The following ZNF280C variants were observed in gnomAD, a reference collection of about 807,000 sequenced individuals.
ZNF280C encodes zinc finger protein 280C, also known as suppressor of hairy wing homolog 3.
A neutral mutation model predicts 53.6 loss-of-function variants in ZNF280C; 14 were observed. The observed-to-expected ratio is 0.26, with a 90% CI of 0.17 to 0.41. The LOEUF is 0.41. Among genes scored for constraint, ZNF280C ranks in the 10% least tolerant of loss-of-function variants. The pLI is 1.00. For synonymous variants in ZNF280C, 203 were observed against 181.1 expected (o/e 1.12, Z -0.97); for missense variants, 416 against 547.1 (o/e 0.76, Z 2.39).
At position 130,261,291 on chromosome X, in the gene ZNF280C, C is replaced by A. The variant is rs752125367; in HGVS notation, c.-16-826G>T. 3.6e-4 allele frequency among the ~76,000 whole-genome samples: 40 copies of A among 112,156 alleles called. No homozygotes were observed. In the South Asian group the frequency reaches 0.014, roughly 40 times the overall value. On this transcript the variant is annotated intron_variant, in intron 1 of 18. Coordinates refer to ENST00000370978, the MANE Select transcript of ZNF280C (RefSeq NM_017666.5). The stretch of plus-strand genomic sequence containing the variant: ...AAAACAGGAATTTGTATCCTGAGTT[C>A]TCGTGCACTGAACATACCATATATT...
chrX:130,236,807 A>G (rs1408177645), intron 6 of ZNF280C, among the ~76,000 whole-genome samples, 168 bp from the exon 7 acceptor site: 1 of 111,722 alleles, frequency 9.0e-6, no homozygotes, highest in Non-Finnish European at 1.9e-5. Context: ...AAATGACAAT[A>G]AAGAATGATT....
At chrX:130,262,529 G>C (rs2032641587) in intron 1 of ZNF280C, among the ~76,000 whole-genome samples, 1 of 112,183 alleles carries the variant, frequency 8.9e-6, no homozygotes, top group Non-Finnish European at 1.9e-5. Flanking sequence ...TTGGTGGCAA[G>C]GGAAGGAATT....
At chrX:130,246,234 T>C (rs1296565382) in intron 3 of ZNF280C, among the ~76,000 whole-genome samples, 1 of 112,327 alleles carries the variant, frequency 8.9e-6, no homozygotes, top group Non-Finnish European at 1.9e-5. Context: ...ATTGTCCAAG[T>C]ATAGTGTTGG....
At chrX:130,241,411 T>C (rs1344688497) in intron 5 of ZNF280C, among the ~76,000 whole-genome samples, 1 of 112,086 alleles carries the variant, frequency 8.9e-6, no homozygotes, top group Non-Finnish European at 1.9e-5. Flanking sequence ...GAAAGAGACT[T>C]AGGGAACCGT....
At chrX:130,248,843 C>T (rs1053478980) in intron 2 of ZNF280C, among the ~76,000 whole-genome samples, 1 of 112,582 alleles carries the variant, frequency 8.9e-6, no homozygotes, top group African/African-American at 3.2e-5. Flanking sequence ...CCACCCTCCA[C>T]ATCACTTTGC....
At chrX:130,216,409 C>T (rs1192470313) in intron 13 of ZNF280C, among the ~76,000 whole-genome samples, 1 of 112,022 alleles carries the variant, frequency 8.9e-6, no homozygotes, top group Non-Finnish European at 1.9e-5. Context: ...TTCTTGTGAG[C>T]ATGAGTTAGG....
At chrX:130,218,918 G>A (rs969453278) in intron 13 of ZNF280C, among the ~76,000 whole-genome samples, 3 of 111,594 alleles carry the variant, frequency 2.7e-5, no homozygotes, top group African/African-American at 9.8e-5. Context: ...TTATTAATAA[G>A]GGAAGATGTG....
chrX:130,246,711 T>C, intron 3 of ZNF280C, 148 bp downstream of exon 3: 1 of 659,924 alleles, frequency 1.5e-6, no homozygotes, highest in South Asian at 3.2e-5. Context: ...CCCGCTTTGA[T>C]TCTCACAAGT....
intron 6 of ZNF280C, 75 bp from the exon 7 acceptor site, chrX:130,236,714 C>T: frequency 2.7e-6 from 2 of 728,067 alleles, no homozygotes; most frequent in Non-Finnish European, 3.8e-6. Flanking sequence ...AAAACTGCTA[C>T]CAAAATGGCT....
intron 7 of ZNF280C, 33 bp downstream of exon 7, chrX:130,236,436 T>C (rs1233085016): frequency 4.7e-5 from 54 of 1,146,236 alleles, no homozygotes; most frequent in Non-Finnish European, 6.0e-5. Flanking sequence ...AAAATAATAC[T>C]ATTTTTTTTT....
rs183397373 is a variant in ZNF280C at position 130,254,894 on chromosome X, T to A, written c.31+5525A>T. ...TACCCATAACAAACCTGCACATGTA[T>A]CCCTGAACTTAAAATAAAAGTTAAA... On this transcript the variant is annotated intron_variant, in intron 2 of 18. Transcript: ENST00000370978. Among the ~76,000 whole-genome samples the A allele has an allele frequency of 8.4e-5, 9 of 107,216 alleles. No individual in the cohort carries two copies. In the East Asian group the frequency reaches 2.0e-3, roughly 24 times the overall value. The allele number at this position is 107,216 out of a possible 115,157, so 93.1% of individuals were successfully genotyped here. A position where few individuals can be genotyped will look rare whatever the true frequency, so the allele number is the denominator to read the frequency against.
chrX:130,203,050 C>T lies in ZNF280C; in HGVS notation c.*1927G>A, dbSNP rs1362886697. 1 of 110,859 alleles carries T rather than the reference C, an allele frequency of 9.0e-6. No homozygotes were observed. Among genetic ancestry groups the T allele is most frequent in the African/African-American group, 3.3e-5 (1 of 30,508 alleles). The allele number at this position is 110,859 out of a possible 1,213,427, so 9.1% of individuals were successfully genotyped here. On this transcript the variant is annotated 3_prime_UTR_variant, in exon 19 of 19. Transcript: ENST00000370978. ...TCTTTATGTCTTTGAAATCAGAATCCCTAAGCTAATGTTAATGATAGGCCC... is the reference window on the plus strand; with the variant it reads ...TCTTTATGTCTTTGAAATCAGAATCTCTAAGCTAATGTTAATGATAGGCCC...
At chrX:130,215,662 T>C in intron 14 of ZNF280C, 129 bp downstream of exon 14, 4 of 663,397 alleles carry the variant, frequency 6.0e-6, no homozygotes, top group Non-Finnish European at 8.6e-6. Context: ...AAAGTACCTT[T>C]TTCTCATTTG....
chrX:130,254,995 G>A (rs1432986937), intron 2 of ZNF280C, among the ~76,000 whole-genome samples: 2 of 102,501 alleles, frequency 2.0e-5, no homozygotes, highest in Non-Finnish European at 2.0e-5. Flanking sequence ...ATAAGACAAC[G>A]ATATTATATA....
intron 5 of ZNF280C, 30 bp from the exon 6 acceptor site, chrX:130,239,723 T>C: frequency 1.1e-6 from 1 of 883,186 alleles, no homozygotes; most frequent in South Asian, 2.2e-5. Flanking sequence ...TTTTGTTTCA[T>C]AAACTTTTAT....
At chrX:130,227,871 G>A (rs927221721) in intron 10 of ZNF280C, 89 bp from the exon 11 acceptor site, 5 of 501,475 alleles carry the variant, frequency 1.0e-5, no homozygotes, top group Non-Finnish European at 1.7e-5. Context: ...AATAATAATA[G>A]TAGAAGTAAC....
At chrX:130,205,781 T>C (rs781378671) in intron 16 of ZNF280C, among the ~76,000 whole-genome samples, 1 of 108,000 alleles carries the variant, frequency 9.3e-6, no homozygotes, top group African/African-American at 3.4e-5. Context: ...CTCAGCTACT[T>C]GGGAGGCTGA....
Position 130,236,658 on chromosome X carries a change from T to C in ZNF280C, c.494-19A>G. The stretch of plus-strand genomic sequence containing the variant: ...TTCATACCTACAAAGATTTAAATAG[T>C]GAGAAAGATATTTGTAAATATTTCA... On this transcript the variant is annotated intron_variant, in intron 6 of 18. Coordinates refer to ENST00000370978, the MANE Select transcript of ZNF280C (RefSeq NM_017666.5). The C allele has an allele frequency of 9.4e-7, 1 of 1,062,001 alleles. No individual in the cohort carries two copies. The highest frequency in any genetic ancestry group is 1.3e-6 in the Non-Finnish European group (1 of 782,829). The allele number at this position is 1,062,001 out of a possible 1,213,427, so 87.5% of individuals were successfully genotyped here.
At chrX:130,205,503 T>A in intron 16 of ZNF280C, 88 bp from the exon 17 acceptor site, 2 of 599,943 alleles carry the variant, frequency 3.3e-6, no homozygotes, top group Admixed American at 3.6e-5. Context: ...ATGTACTAAC[T>A]TGATTTGCAT....
Sources: allele counts gnomAD v4.1 joint callset (sites outside exome capture counted in the v4.1 genomes callset), GRCh38; gene constraint gnomAD v4.1.1; transcripts MANE v1.5; gene names NCBI Gene and HGNC (gene_info 2026-07-23, HGNC 2026-07-21).